Variants in SPECC1 observed in about 807,000 individuals in gnomAD.
SPECC1 encodes the protein cytospin-B.
SPECC1 carries 62 observed loss-of-function variants against 104.1 expected under a neutral mutation model. That is an observed-to-expected ratio of 0.60 (90% CI 0.49 to 0.74). SPECC1 has a LOEUF of 0.74. Ranked by LOEUF, SPECC1 falls within the 30% of genes least tolerant of loss-of-function variation. The pLI is 0.00. For synonymous variants in SPECC1, 513 were observed against 501.6 expected (o/e 1.02, Z -0.30); for missense variants, 1,306 against 1,310.5 (o/e 1.00, Z 0.05).
In SPECC1 at chr17:20,034,085, G is replaced by A. The variant is rs1166513622; in HGVS notation, c.-22+24661G>A. 2.7e-5 allele frequency among the ~76,000 whole-genome samples: 4 copies of A among 148,108 alleles called. No individual in the cohort carries two copies. The East Asian group carries it at 7.8e-4, about 29-fold the overall frequency. The stretch of plus-strand genomic sequence containing the variant: ...CCTTTAAATAGTTTCTAAAGTAAGC[G>A]TTTGATATTCTTTTTTTTTTTTTTC... On this transcript the variant is annotated intron_variant, in intron 1 of 14. Transcript: ENST00000395527.
At chr17:20,144,175 CTTTTTTTTTTTTTTT>C (rs1168474738) in intron 3 of SPECC1, among the ~76,000 whole-genome samples, 4 of 94,408 alleles carry the variant, frequency 4.2e-5, no homozygotes, top group African/African-American at 9.6e-5. Context: ...TTTTTCTTTT[CTTTTTTTTTTTTTTT>C]TTTTTTTTTT....
Position 20,205,295 on chromosome 17 carries a change from G to T in SPECC1, c.1246G>T (p.Val416Leu). The change falls in exon 4 of 15, where the codon GTG becomes TTG. Residue 416 changes from valine (V) to leucine (L), a missense_variant. Physicochemically the swap from Val to Leu is conservative, Grantham distance 32. Transcript: ENST00000395527. Reference sequence around the variant, plus strand: ...ATTGACAGCTGAAAATGAGAAGCTGGTGGATGAAAAGACGATTTTAGAGAC... The same window carrying T: ...ATTGACAGCTGAAAATGAGAAGCTGTTGGATGAAAAGACGATTTTAGAGAC... ...QELTAENEKL[V>L]DEKTILETSF... 1 of 1,614,220 alleles carries T rather than the reference G, an allele frequency of 6.2e-7. No homozygotes were observed. Among genetic ancestry groups the T allele is most frequent in the South Asian group, 1.1e-5 (1 of 91,080 alleles).
intron 1 of SPECC1, among the ~76,000 whole-genome samples, chr17:20,066,430 C>G (rs2046360059): frequency 6.6e-6 from 1 of 152,170 alleles, no homozygotes; most frequent in South Asian, 2.1e-4. Context: ...AGGAACTTAG[C>G]CTGCACGGAG....
At chr17:20,247,370 C>G in intron 9 of SPECC1, 51 bp downstream of exon 9, 1 of 1,365,826 alleles carries the variant, frequency 7.3e-7, no homozygotes, top group South Asian at 1.2e-5. Flanking sequence ...GTGTATCCCT[C>G]TAGATGTTTT....
At chr17:20,068,828 C>T (rs2046448518) in intron 1 of SPECC1, among the ~76,000 whole-genome samples, 1 of 152,048 alleles carries the variant, frequency 6.6e-6, no homozygotes, top group Non-Finnish European at 1.5e-5. Flanking sequence ...GATCCTTTAC[C>T]CACTTTTCAG....
intron 5 of SPECC1, 38 bp downstream of exon 5, chr17:20,227,658 T>G: frequency 6.3e-7 from 1 of 1,590,252 alleles, no homozygotes; most frequent in South Asian, 1.1e-5. Context: ...CTCACACCTA[T>G]AATCCCAGCA....
chr17:20,201,462 CAA>C (rs895645566), intron 3 of SPECC1, among the ~76,000 whole-genome samples: 7 of 152,036 alleles, frequency 4.6e-5, no homozygotes, highest in Admixed American at 4.6e-4. Flanking sequence ...GCCTGGGCAA[CAA>C]GAGCAAAACT....
At chr17:20,065,172 A>G (rs1409945741) in intron 1 of SPECC1, among the ~76,000 whole-genome samples, 1 of 152,202 alleles carries the variant, frequency 6.6e-6, no homozygotes, top group African/African-American at 2.4e-5. Context: ...CAACACGGAA[A>G]AAGACTTCTG....
intron 3 of SPECC1, among the ~76,000 whole-genome samples, chr17:20,136,159 CTCACACTTG>C (rs1322132121): frequency 6.6e-6 from 1 of 152,182 alleles, no homozygotes; most frequent in African/African-American, 2.4e-5. Flanking sequence ...GCTCACACTT[CTCACACTTG>C]TAATCCCAGC....
chr17:20,224,099 T>C (rs989399245), intron 4 of SPECC1, among the ~76,000 whole-genome samples: 4 of 152,218 alleles, frequency 2.6e-5, no homozygotes, highest in African/African-American at 9.6e-5. Context: ...TGCAGACTCA[T>C]TGAGGTATCA....
At chr17:20,035,693 T>C (rs1247163125) in intron 1 of SPECC1, among the ~76,000 whole-genome samples, 1 of 152,186 alleles carries the variant, frequency 6.6e-6, no homozygotes, top group Non-Finnish European at 1.5e-5. Flanking sequence ...ACAATCATTG[T>C]GCATTACAGC....
At chr17:20,013,851 A>C (rs1255373881) in intron 1 of SPECC1, among the ~76,000 whole-genome samples, 1 of 152,100 alleles carries the variant, frequency 6.6e-6, no homozygotes, top group Non-Finnish European at 1.5e-5. Context: ...ATATATCCCT[A>C]ATATAGATAT....
intron 14 of SPECC1, 95 bp downstream of exon 14, chr17:20,306,177 C>G: frequency 8.3e-7 from 1 of 1,208,278 alleles, no homozygotes; most frequent in South Asian, 1.3e-5. Flanking sequence ...ACATTGACAT[C>G]TGTTTGCCGA....
At chr17:20,227,642 T>C (rs2038307464) in intron 5 of SPECC1, 22 bp downstream of exon 5, 4 of 1,608,006 alleles carry the variant, frequency 2.5e-6, no homozygotes, top group Non-Finnish European at 3.4e-6. Context: ...CTGCCAGGCA[T>C]GGTGGCTCAC....
intron 1 of SPECC1, among the ~76,000 whole-genome samples, chr17:20,083,580 ATTCT>A (rs2047063655): frequency 6.6e-6 from 1 of 152,036 alleles, no homozygotes; most frequent in Non-Finnish European, 1.5e-5. Flanking sequence ...TGCTGAGTTC[ATTCT>A]TTCTATTGCT....
intron 1 of SPECC1, among the ~76,000 whole-genome samples, chr17:20,072,000 C>T (rs560716639): frequency 1.3e-5 from 2 of 152,258 alleles, no homozygotes; most frequent in South Asian, 4.1e-4. Flanking sequence ...AACTGCTTTT[C>T]CCATAACTAG....
intron 3 of SPECC1, chr17:20,111,814 G>GT: frequency 1.2e-6 from 1 of 832,368 alleles, no homozygotes; most frequent in East Asian, 2.5e-5. Flanking sequence ...CCCAGGGGGG[G>GT]GGCAGCGCGA....
chr17:20,242,743 C>T (rs962946948), intron 7 of SPECC1, among the ~76,000 whole-genome samples: 5 of 152,116 alleles, frequency 3.3e-5, no homozygotes, highest in Admixed American at 2.0e-4. Context: ...CCAGTTTCAC[C>T]ATTCATGAAT....
At chr17:20,021,702 A>ATTTT (rs1187795523) in intron 1 of SPECC1, among the ~76,000 whole-genome samples, 51 of 139,270 alleles carry the variant, frequency 3.7e-4, no homozygotes, top group African/African-American at 1.4e-3. Context: ...ATATATATAT[A>ATTTT]TTTTTTTGTA....
Sources: gnomAD v4.1 joint callset for allele counts (sites outside exome capture counted in the v4.1 genomes callset) on GRCh38, gnomAD v4.1.1 for gene constraint, MANE v1.5 for transcripts, NCBI Gene and HGNC (gene_info 2026-07-23, HGNC 2026-07-21) for gene names.